LYPLAL1: variants seen among roughly 807,000 people sequenced by gnomAD.
LYPLAL1 encodes lysophospholipase like 1, also known as lysophospholipase-like protein 1.
In LYPLAL1, 23 loss-of-function variants were observed where a neutral mutation model predicts 19.7. That is an observed-to-expected ratio of 1.17 (90% confidence interval 0.84 to 1.65). LYPLAL1 has a LOEUF of 1.65. Among genes scored for constraint, LYPLAL1 ranks in the 40% most tolerant of loss-of-function variants. The pLI, the probability that LYPLAL1 is intolerant of heterozygous loss-of-function variation, is 0.00. For missense variants in LYPLAL1, 355 were observed against 279.4 expected (o/e 1.27, Z -1.93); for synonymous variants, 119 against 96.3 (o/e 1.24, Z -1.38).
chr1:219,443,730 A>G, the LYPLAL1 span, among the ~76,000 whole-genome samples: 1 of 152,238 alleles, frequency 6.6e-6, no homozygotes, highest in Non-Finnish European at 1.5e-5. Context: ...CTAATATTGA[A>G]ATAAACATCA....
chr1:219,299,794 A>T, the LYPLAL1 span, among the ~76,000 whole-genome samples: 14 of 152,142 alleles, frequency 9.2e-5, no homozygotes, highest in Admixed American at 2.6e-4. Flanking sequence ...ATCACTACCT[A>T]CCACTTGCCC....
chr1:219,322,363 A>G, the LYPLAL1 span, among the ~76,000 whole-genome samples: 1 of 152,192 alleles, frequency 6.6e-6, no homozygotes, highest in East Asian at 1.9e-4. Flanking sequence ...GCTTGCACAG[A>G]TAAACATGGT....
At chr1:219,436,989 G>A in the LYPLAL1 span, 4 of 152,300 alleles carry the variant, frequency 2.6e-5, no homozygotes, top group South Asian at 8.3e-4. Context: ...AGACAACACA[G>A]AATTAACCAA....
At chr1:219,441,438 A>G in the LYPLAL1 span, among the ~76,000 whole-genome samples, 1 of 152,218 alleles carries the variant, frequency 6.6e-6, no homozygotes, top group Admixed American at 6.5e-5. Context: ...ATAGGGGTGC[A>G]GATGAAGCAA....
chr1:219,278,698 A>ACAACAG, the LYPLAL1 span, among the ~76,000 whole-genome samples: 393 of 151,888 alleles, frequency 2.6e-3, 1 homozygote, highest in Middle Eastern at 6.8e-3. Flanking sequence ...AACAACAACA[A>ACAACAG]CAACAACAAA....
the LYPLAL1 span, among the ~76,000 whole-genome samples, chr1:219,269,860 A>C: frequency 6.6e-6 from 1 of 152,238 alleles, no homozygotes; most frequent in Non-Finnish European, 1.5e-5. Context: ...TTGCCATTTT[A>C]CGTTGAAGAA....
chr1:219,347,994 G>A, the LYPLAL1 span, among the ~76,000 whole-genome samples: 1 of 152,118 alleles, frequency 6.6e-6, no homozygotes, highest in Non-Finnish European at 1.5e-5. Context: ...AAGAAATCTG[G>A]ATTATTGCTC....
chr1:219,283,832 C>T, the LYPLAL1 span, among the ~76,000 whole-genome samples: 1 of 152,124 alleles, frequency 6.6e-6, no homozygotes, highest in African/African-American at 2.4e-5. Context: ...TCAGTTTGAT[C>T]TTGTTCATAT....
the LYPLAL1 span, among the ~76,000 whole-genome samples, chr1:219,254,666 C>G: frequency 6.6e-6 from 1 of 151,896 alleles, no homozygotes; most frequent in African/African-American, 2.4e-5. Flanking sequence ...CTAATGGGGT[C>G]CCCTTTGTAA....
chr1:219,179,793 CAG>C (rs1204935654), intron 2 of LYPLAL1, among the ~76,000 whole-genome samples: 2 of 152,104 alleles, frequency 1.3e-5, no homozygotes, highest in African/African-American at 4.8e-5. Context: ...AAAAAATTCA[CAG>C]TAATAAAACT....
the LYPLAL1 span, among the ~76,000 whole-genome samples, chr1:219,440,038 T>C: frequency 2.1e-5 from 3 of 145,042 alleles, no homozygotes; most frequent in Non-Finnish European, 4.5e-5. Flanking sequence ...TATATATATA[T>C]ACACTCAGTG....
At chr1:219,415,598 T>C in the LYPLAL1 span, among the ~76,000 whole-genome samples, 37 of 152,334 alleles carry the variant, frequency 2.4e-4, no homozygotes, top group African/African-American at 8.9e-4. Context: ...ATATGAACTC[T>C]TGCACTTCAA....
the LYPLAL1 span, among the ~76,000 whole-genome samples, chr1:219,249,452 G>A: frequency 6.6e-6 from 1 of 151,950 alleles, no homozygotes; most frequent in Non-Finnish European, 1.5e-5. Context: ...GTACATTTGA[G>A]TTGTTAGGGA....
chr1:219,203,360 C>T (rs1286264469), intron 3 of LYPLAL1, among the ~76,000 whole-genome samples: 1 of 150,850 alleles, frequency 6.6e-6, no homozygotes, highest in Non-Finnish European at 1.5e-5. Flanking sequence ...TTGGACAGGT[C>T]AAAAATGATA....
chr1:219,344,350 A>G, the LYPLAL1 span, among the ~76,000 whole-genome samples: 51 of 152,294 alleles, frequency 3.3e-4, no homozygotes, highest in Admixed American at 1.6e-3. Context: ...ACTTCTGGGC[A>G]TTGCACGATT....
chr1:219,358,835 C>CGTGT, the LYPLAL1 span, among the ~76,000 whole-genome samples: 3 of 149,972 alleles, frequency 2.0e-5, no homozygotes, highest in East Asian at 2.0e-4. Context: ...TGTGTGTGTG[C>CGTGT]GTGTGTGTGT....
chr1:219,278,662 T>A, the LYPLAL1 span, among the ~76,000 whole-genome samples: 2 of 132,252 alleles, frequency 1.5e-5, no homozygotes, highest in East Asian at 4.2e-4. Context: ...AAAACTTTTG[T>A]CACATAAAAA....
At chr1:219,355,057 A>G in the LYPLAL1 span, among the ~76,000 whole-genome samples, 1 of 152,226 alleles carries the variant, frequency 6.6e-6, no homozygotes, top group Non-Finnish European at 1.5e-5. Context: ...AGACTGTGTT[A>G]AATCTAAAGA....
chr1:219,187,032 GTTGT>G (rs1375097589), intron 2 of LYPLAL1, among the ~76,000 whole-genome samples: 1 of 148,138 alleles, frequency 6.8e-6, no homozygotes, highest in Non-Finnish European at 1.5e-5. Context: ...AGAGTTCTTT[GTTGT>G]TTTTTTTTTC....
Sources: allele counts gnomAD v4.1 joint callset (sites outside exome capture counted in the v4.1 genomes callset), GRCh38; gene constraint gnomAD v4.1.1; transcripts MANE v1.5; gene names NCBI Gene and HGNC (gene_info 2026-07-23, HGNC 2026-07-21).